The following CYP4F8 variants were observed in gnomAD, a reference collection of about 807,000 sequenced individuals.
The protein encoded by CYP4F8 is cytochrome P450 family 4 subfamily F member 8.
In CYP4F8, 56 loss-of-function variants were observed where a neutral mutation model predicts 55.0. The observed-to-expected ratio is 1.02, with a 90% confidence interval of 0.82 to 1.27. The LOEUF is 1.27. Among genes scored for constraint, CYP4F8 ranks in the 50% most tolerant of loss-of-function variants. The pLI, the probability that CYP4F8 is intolerant of heterozygous loss-of-function variation, is 0.00. For missense variants in CYP4F8, 680 were observed against 682.4 expected, an observed-to-expected ratio of 1.00 and a Z score of 0.04; for synonymous variants, 288 against 267.3, an observed-to-expected ratio of 1.08 and a Z score of -0.76.
rs1028775761 is a variant in CYP4F8, at chr19:15,628,785, C to A, written c.1339C>A (p.Pro447Thr). Residue 447 changes from proline to threonine, a missense_variant, in exon 12 of 13, where the codon CCA (proline) becomes ACA (threonine). Coordinates refer to ENST00000612078, the MANE Select transcript of CYP4F8 (RefSeq NM_007253.4). ...GGTCTATGACCCCTTCCGCTTCGAC[C>A]CAGAAAACGCCCAGAAGAGGTCACC... ...PEVYDPFRFD[P>T]ENAQKRSPMA... 5 of 1,612,106 alleles carry A rather than the reference C, an allele frequency of 3.1e-6. No individual in the cohort carries two copies. In the South Asian group the frequency reaches 5.5e-5, roughly 18 times the overall value.
intron 9 of CYP4F8, among the ~76,000 whole-genome samples, chr19:15,626,599 T>C (rs1312989877): frequency 7.8e-6 from 1 of 128,204 alleles, no homozygotes; most frequent in Non-Finnish European, 1.7e-5. Flanking sequence ...TCAGATATTG[T>C]TCTGGATATC....
intron 9 of CYP4F8, chr19:15,627,208 T>C (rs1364637358): frequency 6.6e-6 from 1 of 152,230 alleles, no homozygotes; most frequent in Non-Finnish European, 1.5e-5. Context: ...GCATGGTGGC[T>C]TATGCCTGTA....
At chr19:15,618,836 C>A in intron 3 of CYP4F8, 1 of 176,386 alleles carries the variant, frequency 5.7e-6, no homozygotes, top group Non-Finnish European at 1.2e-5. Flanking sequence ...GCTCCAGGCC[C>A]CAGGAATCTC....
rs1379000394 is a variant in CYP4F8, at chr19:15,629,699, G to T, written c.*341G>T. The T allele has an allele frequency of 1.3e-5, 3 of 229,368 alleles. No homozygotes were observed. The highest frequency in any genetic ancestry group is 2.6e-5 in the Non-Finnish European group (3 of 117,098). The allele number at this position is 229,368 out of a possible 1,614,324, so 14.2% of individuals were successfully genotyped here. ...TAGAATCCCTGTTTTTTAGCTAGGT[G>T]CATAGCAGCCTGAAATACAGATCAC... On this transcript the variant is annotated 3_prime_UTR_variant, in exon 13 of 13. Coordinates refer to ENST00000612078, the MANE Select transcript of CYP4F8 (RefSeq NM_007253.4).
intron 9 of CYP4F8, among the ~76,000 whole-genome samples, chr19:15,625,920 A>G (rs1173339284): frequency 1.3e-5 from 2 of 152,272 alleles, no homozygotes; most frequent in Non-Finnish European, 1.5e-5. Context: ...ATACATTTTA[A>G]AATTCTATAT....
chr19:15,624,103 A>G lies in CYP4F8; in HGVS notation c.1115+9A>G. On this transcript the variant is annotated intron_variant, in intron 9 of 12. Coordinates refer to ENST00000612078, the MANE Select transcript of CYP4F8 (RefSeq NM_007253.4). ...CCTAAAGAGATTGAATGGTGAGTGC[A>G]GGTGCTGGTGGCTCTGCCTTTCTGC... is the stretch of plus-strand genomic sequence containing the variant. 8.7e-6 allele frequency: 14 copies of G among 1,612,636 alleles called. No individual in the cohort carries two copies. Among genetic ancestry groups the G allele is most frequent in the Non-Finnish European group, 1.2e-5 (14 of 1,178,852 alleles).
intron 3 of CYP4F8, chr19:15,619,287 T>A: frequency 1.7e-6 from 1 of 582,662 alleles, no homozygotes; most frequent in South Asian, 2.1e-5. Context: ...TCAGGGTGTA[T>A]CATTGCTCTA....
chr19:15,622,362 G>A, intron 6 of CYP4F8, 22 bp downstream of exon 6: 1 of 1,610,214 alleles, frequency 6.2e-7, no homozygotes, highest in Non-Finnish European at 8.5e-7. Flanking sequence ...CCCAGGGCCT[G>A]GGAACATGGG....
chr19:15,628,171 C>T, intron 9 of CYP4F8, 131 bp from the exon 10 acceptor site: 2 of 1,398,964 alleles, frequency 1.4e-6, no homozygotes, highest in Middle Eastern at 2.3e-4. Context: ...TTTTCTAATG[C>T]TTACATCTTT....
At chr19:15,619,278 C>T (rs1972162319) in intron 3 of CYP4F8, 1 of 569,244 alleles carries the variant, frequency 1.8e-6, no homozygotes, top group Non-Finnish European at 3.1e-6. Context: ...TGTACCATGT[C>T]AGGGTGTATC....
At chr19:15,618,286 C>T (rs1599857376) in intron 3 of CYP4F8, 142 bp downstream of exon 3, 1 of 1,233,716 alleles carries the variant, frequency 8.1e-7, no homozygotes, top group South Asian at 1.2e-5. Flanking sequence ...CTCTTTCCTT[C>T]CTGTAGTCAC....
At position 15,623,389 on chromosome 19, in the gene CYP4F8, G is replaced by T; in HGVS notation, c.918+14G>T. 1 of 1,611,602 alleles carries T rather than the reference G, an allele frequency of 6.2e-7. No individual in the cohort carries two copies. Among genetic ancestry groups the T allele is most frequent in the African/African-American group, 1.3e-5 (1 of 74,940 alleles). Reference sequence around the variant, plus strand: ...CTGCTGAGCGAGGTGGGCCTCTCTGGGATCTGAATTCAAGAGGTAAAATGG... The same window carrying T: ...CTGCTGAGCGAGGTGGGCCTCTCTGTGATCTGAATTCAAGAGGTAAAATGG... On this transcript the variant is annotated intron_variant, in intron 7 of 12. Coordinates refer to ENST00000612078, the MANE Select transcript of CYP4F8 (RefSeq NM_007253.4).
rs1972164183 is a variant in CYP4F8, at chr19:15,619,410, C to T, written c.344-80C>T. ...GCTTGGAGAAAAGACGTCCAAACCT[C>T]TGGCTGGGAGCCACCCTCCATACCC... On this transcript the variant is annotated intron_variant, in intron 3 of 12. Transcript: ENST00000612078. 1.7e-5 allele frequency: 26 copies of T among 1,556,180 alleles called. No individual in the cohort carries two copies. The South Asian group carries it at 3.0e-4, about 18-fold the overall frequency.
At chr19:15,623,913 C>G in intron 8 of CYP4F8, 52 bp from the exon 9 acceptor site, 1 of 1,606,716 alleles carries the variant, frequency 6.2e-7, no homozygotes, top group Non-Finnish European at 8.5e-7. Context: ...GCTGTCCACC[C>G]TCTGGGTGCT....
At position 15,623,579 on chromosome 19, in the gene CYP4F8, T is replaced by C. The variant is rs945074779; in HGVS notation, c.919-120T>C. 11 of 1,258,046 alleles carry C rather than the reference T, an allele frequency of 8.7e-6. No homozygotes were observed. The East Asian group carries it at 2.5e-4, about 28-fold the overall frequency. The allele number at this position is 1,258,046 out of a possible 1,614,324, so 77.9% of individuals were successfully genotyped here. On this transcript the variant is annotated intron_variant, in intron 7 of 12. Transcript: ENST00000612078. ...AAACAGGAGGTCGGAAGGAAGCATG[T>C]GGGGGTAGATCTGGAGGTGACAAGG...
At chr19:15,616,570 A>T (rs1427358606) in intron 2 of CYP4F8, among the ~76,000 whole-genome samples, 1 of 152,034 alleles carries the variant, frequency 6.6e-6, no homozygotes, top group Non-Finnish European at 1.5e-5. Flanking sequence ...GCTTGTGTCC[A>T]TCCATCTCTG....
chr19:15,628,665 A>T (rs988061410), intron 11 of CYP4F8, 70 bp downstream of exon 11: 2 of 1,606,732 alleles, frequency 1.2e-6, no homozygotes, highest in South Asian at 1.1e-5. Context: ...GGAAAACCAG[A>T]TACTCCCTCT....
chr19:15,623,216 A>C lies in CYP4F8; in HGVS notation c.759A>C (p.Gly253=). 6 of 1,613,928 alleles carry C rather than the reference A, an allele frequency of 3.7e-6. No individual in the cohort carries two copies. Among genetic ancestry groups the C allele is most frequent in the Non-Finnish European group, 5.1e-6 (6 of 1,179,998 alleles). ...TCCTGTACTTCCTCACTCCCTGTGG[A>C]CGGCGCTTCCACAGGGCCTGCAGAC... ...KDFLYFLTPC[G]RRFHRACRLV... Residue 253 remains glycine (G), a synonymous_variant, in exon 7 of 13, where the codon GGA becomes GGC. Transcript: ENST00000612078.
At chr19:15,622,580 G>A (rs1225658193) in intron 6 of CYP4F8, among the ~76,000 whole-genome samples, 1 of 152,118 alleles carries the variant, frequency 6.6e-6, no homozygotes, top group Non-Finnish European at 1.5e-5. Context: ...TGTGCAACAG[G>A]CAGTTGGGAG....
Sources: allele counts gnomAD v4.1 joint callset (sites outside exome capture counted in the v4.1 genomes callset), GRCh38; gene constraint gnomAD v4.1.1; transcripts MANE v1.5; gene names NCBI Gene and HGNC (gene_info 2026-07-23, HGNC 2026-07-21).